The following ZBBX variants were observed in gnomAD, a reference collection of about 807,000 sequenced individuals.
ZBBX encodes zinc finger B-box domain-containing protein 1.
In ZBBX, 101 loss-of-function variants were observed where a neutral mutation model predicts 108.5. That is an observed-to-expected ratio of 0.93 (90% confidence interval 0.79 to 1.10). ZBBX has a LOEUF of 1.10. ZBBX is among the 50% of genes least tolerant of loss of function. The probability of loss-of-function intolerance (pLI) is 0.00; values close to 1 mark genes in which losing one functional copy is unlikely to be tolerated. For missense variants in ZBBX, 1,009 were observed against 941.4 expected, an observed-to-expected ratio of 1.07 and a Z score of -0.94; for synonymous variants, 356 against 323.4, an observed-to-expected ratio of 1.10 and a Z score of -1.08.
At chr3:167,291,910 G>A (rs755501247) in intron 18 of ZBBX, among the ~76,000 whole-genome samples, 5 of 152,152 alleles carry the variant, frequency 3.3e-5, no homozygotes, top group Non-Finnish European at 7.3e-5. Flanking sequence ...TGCAATCCTA[G>A]TCTGTAATAA....
chr3:167,208,611 C>A, the ZBBX span, among the ~76,000 whole-genome samples: 1 of 152,166 alleles, frequency 6.6e-6, no homozygotes, highest in Non-Finnish European at 1.5e-5. Context: ...GTCCTGGCAG[C>A]ACCACCTGCT....
At chr3:167,329,727 G>A (rs1203401805) in intron 10 of ZBBX, among the ~76,000 whole-genome samples, 2 of 152,130 alleles carry the variant, frequency 1.3e-5, no homozygotes, top group East Asian at 1.9e-4. Context: ...AAAAAGTAAA[G>A]AATGAGAAAA....
At chr3:167,352,721 CAA>C (rs61596269) in intron 8 of ZBBX, among the ~76,000 whole-genome samples, 5 of 130,046 alleles carry the variant, frequency 3.8e-5, no homozygotes, top group African/African-American at 5.4e-5. Flanking sequence ...CAAAAATTCT[CAA>C]AAAAAAAAAA....
At chr3:167,194,229 A>AATAT in the ZBBX span, among the ~76,000 whole-genome samples, 5,806 of 139,750 alleles carry the variant, frequency 0.042, 389 homozygotes, top group African/African-American at 0.14. Context: ...ATATGTACTA[A>AATAT]ATATATATAT....
chr3:167,208,788 A>G, the ZBBX span, among the ~76,000 whole-genome samples: 1 of 152,230 alleles, frequency 6.6e-6, no homozygotes, highest in African/African-American at 2.4e-5. Context: ...AAGGATAGGG[A>G]AGAGTAAATG....
intron 11 of ZBBX, among the ~76,000 whole-genome samples, chr3:167,327,138 T>C: frequency 8.7e-6 from 1 of 115,296 alleles, no homozygotes; most frequent in South Asian, 2.8e-4. Context: ...AGCGAAATTA[T>C]AAAAAAAAAA....
chr3:167,391,726 T>C (rs1477183775), intron 1 of ZBBX, among the ~76,000 whole-genome samples: 4 of 151,852 alleles, frequency 2.6e-5, no homozygotes, highest in African/African-American at 9.7e-5. Flanking sequence ...TTCATCAAAT[T>C]TATTCAGATA....
At chr3:167,348,780 T>C (rs2108489350) in intron 9 of ZBBX, among the ~76,000 whole-genome samples, 1 of 152,226 alleles carries the variant, frequency 6.6e-6, no homozygotes, top group African/African-American at 2.4e-5. Flanking sequence ...GTAGATATTT[T>C]CTCACTAATT....
At chr3:167,400,422 A>T (rs998135863) in intron 1 of ZBBX, among the ~76,000 whole-genome samples, 5 of 151,998 alleles carry the variant, frequency 3.3e-5, no homozygotes, top group Non-Finnish European at 7.4e-5. Flanking sequence ...ATGATATCTT[A>T]TTGTGGTTTT....
intron 18 of ZBBX, among the ~76,000 whole-genome samples, chr3:167,297,032 G>C (rs961377464): frequency 6.6e-6 from 1 of 151,866 alleles, no homozygotes; most frequent in African/African-American, 2.4e-5. Flanking sequence ...CAGACATACA[G>C]ACCAATGAAA....
chr3:167,305,298 G>A (rs988675116), intron 17 of ZBBX, among the ~76,000 whole-genome samples: 7 of 151,800 alleles, frequency 4.6e-5, no homozygotes, highest in Non-Finnish European at 7.4e-5. Flanking sequence ...CTATATTATC[G>A]GAAAAAACTA....
intron 20 of ZBBX, among the ~76,000 whole-genome samples, chr3:167,264,190 T>C (rs1056725246): frequency 6.0e-4 from 90 of 148,972 alleles, no homozygotes; most frequent in African/African-American, 2.2e-3. Context: ...TTGGAGAGTT[T>C]AGTTCATTTA....
rs887787027 is a variant in ZBBX at position 167,389,328 on chromosome 3, A to G, written c.-445-8923T>C. 1.2e-4 allele frequency among the ~76,000 whole-genome samples: 19 copies of G among 152,262 alleles called. No homozygotes were observed. In the East Asian group the frequency reaches 3.7e-3, roughly 29 times the overall value. ...TGAACTCATTCTTTTTTATGGCTGC[A>G]TAGTACTCCATGGTGTATATGTGCC... On this transcript the variant is annotated intron_variant, in intron 1 of 21. Coordinates refer to the ZBBX transcript ENST00000455345.
chr3:167,349,439 A>T (rs1290956923), intron 9 of ZBBX, among the ~76,000 whole-genome samples: 1 of 151,942 alleles, frequency 6.6e-6, no homozygotes, highest in African/African-American at 2.4e-5. Context: ...TTCTGCCCAG[A>T]AGCGCTAAAC....
intron 9 of ZBBX, among the ~76,000 whole-genome samples, chr3:167,342,396 G>A (rs1740686939): frequency 6.6e-6 from 1 of 151,698 alleles, no homozygotes; most frequent in Non-Finnish European, 1.5e-5. Flanking sequence ...CTCTATGTGT[G>A]AATAAATTGG....
chr3:167,399,011 C>T (rs1300426909), intron 1 of ZBBX, among the ~76,000 whole-genome samples: 1 of 150,776 alleles, frequency 6.6e-6, no homozygotes, highest in African/African-American at 2.4e-5. Context: ...GTGCTCAGCC[C>T]CCTCACCATG....
At chr3:167,242,705 T>C in intron 20 of ZBBX, 62 bp from the exon 21 acceptor site, 2 of 1,412,734 alleles carry the variant, frequency 1.4e-6, no homozygotes, top group Non-Finnish European at 1.9e-6. Flanking sequence ...ATACAGCATA[T>C]GGTGCTGAAT....
At chr3:167,322,445 C>T (rs1270465990) in intron 11 of ZBBX, among the ~76,000 whole-genome samples, 2 of 151,894 alleles carry the variant, frequency 1.3e-5, no homozygotes, top group East Asian at 3.9e-4. Context: ...CTTCAACAAT[C>T]TCTTGAAATG....
chr3:167,264,070 C>T (rs535890656), intron 20 of ZBBX, among the ~76,000 whole-genome samples: 1 of 152,194 alleles, frequency 6.6e-6, no homozygotes, highest in Non-Finnish European at 1.5e-5. Flanking sequence ...TATCTTTTTT[C>T]CATTCCTTTA....
Sources: allele counts gnomAD v4.1 joint callset (sites outside exome capture counted in the v4.1 genomes callset), GRCh38; gene constraint gnomAD v4.1.1; transcripts MANE v1.5; gene names NCBI Gene and HGNC (gene_info 2026-07-23, HGNC 2026-07-21).